The following PPM1K variants were observed in gnomAD, a reference collection of about 807,000 sequenced individuals.
The protein encoded by PPM1K is protein phosphatase, Mg2+/Mn2+ dependent 1K, also known as protein phosphatase Mn(2+)-dependent 1K.
Under a neutral mutation model 32.6 loss-of-function variants are expected in PPM1K, and 19 were observed. That is an observed-to-expected ratio of 0.58 (90% confidence interval 0.41 to 0.86). The LOEUF (loss-of-function observed/expected upper bound fraction) is 0.86, where lower values mean the gene tolerates loss of function less well. Among genes scored for constraint, PPM1K ranks in the 40% least tolerant of loss-of-function variants. The pLI, the probability that PPM1K is intolerant of heterozygous loss-of-function variation, is 0.00. For missense variants in PPM1K, 362 were observed against 461.2 expected (o/e 0.78, Z 1.97); for synonymous variants, 159 against 165.3 (o/e 0.96, Z 0.29).
In PPM1K at chr4:88,257,872, T is replaced by TC. The variant is rs1177487130; in HGVS notation, c.*4722dup. 1 of 152,176 alleles carries TC rather than the reference T, an allele frequency of 6.6e-6. No individual in the cohort carries two copies. The highest frequency in any genetic ancestry group is 1.5e-5 in the Non-Finnish European group (1 of 68,028). 9.4% of individuals were successfully genotyped at this position (152,176 alleles called of 1,614,324 possible). On this transcript the variant is annotated 3_prime_UTR_variant, in exon 7 of 7. Coordinates refer to ENST00000608933, the MANE Select transcript of PPM1K (RefSeq NM_152542.5). Reference sequence around the variant, plus strand: ...CAGGCTGCTAAATTCTGTACTAGAATCCAACAGCAAATGAGTCATTCTTGG... The same window carrying TC: ...CAGGCTGCTAAATTCTGTACTAGAATCCCAACAGCAAATGAGTCATTCTTGG...
intron 1 of PPM1K, among the ~76,000 whole-genome samples, chr4:88,282,871 C>A (rs1732070709): frequency 6.6e-6 from 1 of 152,194 alleles, no homozygotes; most frequent in South Asian, 2.1e-4. Flanking sequence ...CCTTTAAGAA[C>A]TTTCCTTCAC....
chr4:88,271,197 A>G (rs1560488430), intron 3 of PPM1K: 1 of 504,050 alleles, frequency 2.0e-6, no homozygotes, highest in East Asian at 5.6e-5. Flanking sequence ...TCTCTGCCAC[A>G]AATAACACGC....
chr4:88,275,255 A>G, intron 3 of PPM1K: 3 of 704,126 alleles, frequency 4.3e-6, no homozygotes, highest in Non-Finnish European at 5.2e-6. Flanking sequence ...CACAAGGACC[A>G]TGCTGATCTC....
intron 6 of PPM1K, among the ~76,000 whole-genome samples, chr4:88,263,148 A>AT: frequency 6.6e-6 from 1 of 152,346 alleles, no homozygotes; most frequent in Middle Eastern, 3.4e-3. Context: ...CCCTAATGGA[A>AT]TAAAAACCTT....
chr4:88,271,292 A>C (rs1297680433), intron 3 of PPM1K: 2 of 212,426 alleles, frequency 9.4e-6, no homozygotes, highest in Non-Finnish European at 2.0e-5. Context: ...AAAGAGCTGC[A>C]AAATAAGGGA....
intron 4 of PPM1K, 114 bp from the exon 5 acceptor site, chr4:88,268,448 C>A (rs989981089): frequency 1.6e-6 from 2 of 1,250,064 alleles, no homozygotes; most frequent in Non-Finnish European, 2.3e-6. Flanking sequence ...CGGTGAAACC[C>A]CGTCTCTACT....
At chr4:88,276,004 T>C (rs947202105) in intron 3 of PPM1K, 18 of 985,240 alleles carry the variant, frequency 1.8e-5, no homozygotes, top group Non-Finnish European at 2.2e-5. Flanking sequence ...ACTGTAATGC[T>C]TTCCTGAGGA....
At chr4:88,270,659 A>G (rs72877290) in intron 3 of PPM1K, among the ~76,000 whole-genome samples, 2,322 of 152,304 alleles carry the variant, frequency 0.015, 63 homozygotes, top group African/African-American at 0.052. Context: ...CATCTACAAT[A>G]GTTTTCTTAA....
chr4:88,262,457 T>A lies in PPM1K; in HGVS notation c.*138A>T. 2.4e-6 allele frequency: 2 copies of A among 835,840 alleles called. No homozygotes were observed. The highest frequency in any genetic ancestry group is 3.7e-6 in the Non-Finnish European group (2 of 547,666). 51.8% of individuals were successfully genotyped at this position (835,840 alleles called of 1,614,324 possible). ...GGAACATAAATATGATGAGCATTTA[T>A]GAAAAAACTACTATCTAAGTGGTTT... is the stretch of plus-strand genomic sequence containing the variant. On this transcript the variant is annotated 3_prime_UTR_variant, in exon 7 of 7. Coordinates refer to ENST00000608933, the MANE Select transcript of PPM1K (RefSeq NM_152542.5).
chr4:88,259,956 T>C lies in PPM1K; in HGVS notation c.*2639A>G, dbSNP rs1439416067. 1.3e-5 allele frequency: 2 copies of C among 152,240 alleles called. No individual in the cohort carries two copies. Among genetic ancestry groups the C allele is most frequent in the African/African-American group, 4.8e-5 (2 of 41,466 alleles). 9.4% of individuals were successfully genotyped at this position (152,240 alleles called of 1,614,324 possible). A position where few individuals can be genotyped will look rare whatever the true frequency, so the allele number is the denominator to read the frequency against. The stretch of plus-strand genomic sequence containing the variant: ...CAATCCATCAATCACCCTCATGCCT[T>C]TGAACTTGACAACATCACTCCTCAT... On this transcript the variant is annotated 3_prime_UTR_variant, in exon 7 of 7. Transcript: ENST00000608933.
intron 6 of PPM1K, among the ~76,000 whole-genome samples, chr4:88,264,361 T>A (rs1220393455): frequency 6.6e-6 from 1 of 152,246 alleles, no homozygotes; most frequent in Non-Finnish European, 1.5e-5. Context: ...ATTTTAGTTC[T>A]GACTGACACA....
chr4:88,273,689 A>G (rs922609353), intron 3 of PPM1K, among the ~76,000 whole-genome samples: 12 of 151,986 alleles, frequency 7.9e-5, no homozygotes, highest in South Asian at 2.1e-4. Context: ...CAAAAAAAAA[A>G]AAAAAGAAAA....
At chr4:88,277,069 A>C in intron 3 of PPM1K, 74 bp downstream of exon 3, 1 of 1,153,678 alleles carries the variant, frequency 8.7e-7, no homozygotes, top group East Asian at 2.4e-5. Context: ...CAAAGGACTT[A>C]AAGTGTTTCC....
intron 3 of PPM1K, among the ~76,000 whole-genome samples, chr4:88,269,135 T>C (rs1254224085): frequency 6.6e-6 from 1 of 152,240 alleles, no homozygotes; most frequent in Non-Finnish European, 1.5e-5. Context: ...GAAAGGTTGC[T>C]AACCTTATTT....
intron 3 of PPM1K, chr4:88,275,432 G>T: frequency 2.0e-6 from 2 of 984,526 alleles, no homozygotes; most frequent in Non-Finnish European, 2.4e-6. Context: ...TCAAAATTCT[G>T]TTGAGTTATA....
chr4:88,277,791 T>A (rs1430470610), intron 2 of PPM1K: 1 of 271,792 alleles, frequency 3.7e-6, no homozygotes, highest in Non-Finnish European at 7.0e-6. Flanking sequence ...TCACACCACT[T>A]GAAAGAGTAA....
chr4:88,269,015 T>A, intron 3 of PPM1K, 109 bp from the exon 4 acceptor site: 2 of 921,694 alleles, frequency 2.2e-6, no homozygotes, highest in Non-Finnish European at 3.2e-6. Context: ...TGCTGGAATA[T>A]ATCATTCTAA....
intron 6 of PPM1K, among the ~76,000 whole-genome samples, chr4:88,264,697 C>T (rs1258468754): frequency 6.6e-6 from 1 of 152,134 alleles, no homozygotes; most frequent in Non-Finnish European, 1.5e-5. Flanking sequence ...CTGTACAATA[C>T]ATACAGTAAT....
At chr4:88,268,383 G>T (rs1419313183) in intron 4 of PPM1K, 49 bp from the exon 5 acceptor site, 1 of 1,597,600 alleles carries the variant, frequency 6.3e-7, no homozygotes, top group South Asian at 1.1e-5. Context: ...AACCCTTTGG[G>T]AGGCCAAGGA....
Sources: gnomAD v4.1 joint callset for allele counts (sites outside exome capture counted in the v4.1 genomes callset) on GRCh38, gnomAD v4.1.1 for gene constraint, MANE v1.5 for transcripts, NCBI Gene and HGNC (gene_info 2026-07-23, HGNC 2026-07-21) for gene names.